Variants in BRINP2 observed in about 807,000 individuals in gnomAD.
BRINP2 encodes the protein BMP/retinoic acid-inducible neural-specific protein 2.
In BRINP2, 21 loss-of-function variants were observed where a neutral mutation model predicts 69.2. The ratio of observed to expected loss-of-function variants is 0.30; its 90% CI spans 0.22 to 0.44. BRINP2 has a LOEUF of 0.44. Among genes scored for constraint, BRINP2 ranks in the 20% least tolerant of loss-of-function variants. The pLI, the probability that BRINP2 is intolerant of heterozygous loss-of-function variation, is 1.00. For missense variants in BRINP2, 877 were observed against 986.0 expected, an observed-to-expected ratio of 0.89 and a Z score of 1.48; for synonymous variants, 380 against 394.1, an observed-to-expected ratio of 0.96 and a Z score of 0.42.
In BRINP2 at chr1:177,202,102, A is replaced by G. The variant is rs563368256; in HGVS notation, c.-76-27699A>G. ...TTGATTCTTCTCTCTTTTCTTCTTT[A>G]TTAGTCTTGCTAGCGGTCTATCAAT... On this transcript the variant is annotated intron_variant, in intron 1 of 7. Coordinates refer to ENST00000361539, the MANE Select transcript of BRINP2 (RefSeq NM_021165.4). Among the ~76,000 whole-genome samples, 429 of 151,552 alleles carry G rather than the reference A, an allele frequency of 2.8e-3. 5 individuals carry two copies. Among genetic ancestry groups the G allele is most frequent in the African/African-American group, 0.01 (415 of 41,286 alleles).
At chr1:177,215,603 G>GT in intron 1 of BRINP2, among the ~76,000 whole-genome samples, 1 of 152,078 alleles carries the variant, frequency 6.6e-6, no homozygotes, top group Non-Finnish European at 1.5e-5. Context: ...ATTATTTTGG[G>GT]TTTTCTATAT....
intron 1 of BRINP2, among the ~76,000 whole-genome samples, chr1:177,172,614 C>T (rs1041419922): frequency 6.6e-6 from 1 of 152,108 alleles, no homozygotes; most frequent in Non-Finnish European, 1.5e-5. Context: ...GGACTCTTCT[C>T]CTCACCAAGC....
In BRINP2 at chr1:177,247,715, C is replaced by T. The variant is rs555499831; in HGVS notation, c.270-8204C>T. On this transcript the variant is annotated intron_variant, in intron 2 of 7. Transcript: ENST00000361539. Reference sequence around the variant, plus strand: ...AATGTCCTTACCCTGACAGCCCACTCCTTCTGTCATTGCTTGCAAAATGGG... The same window carrying T: ...AATGTCCTTACCCTGACAGCCCACTTCTTCTGTCATTGCTTGCAAAATGGG... 2.0e-5 allele frequency among the ~76,000 whole-genome samples: 3 copies of T among 152,344 alleles called. No homozygotes were observed. In the South Asian group the frequency reaches 6.2e-4, roughly 32 times the overall value.
In BRINP2 at chr1:177,280,628, T is replaced by C. The variant is rs1263140334; in HGVS notation, c.1452T>C (p.Tyr484=). ...STRCGSCNPG[Y]VLAQGLCRPE... ...GCTGTGGGAGCTGCAACCCGGGCTATGTGCTGGCCCAGGGGCTGTGCCGGC... is the reference window on the plus strand; with the variant it reads ...GCTGTGGGAGCTGCAACCCGGGCTACGTGCTGGCCCAGGGGCTGTGCCGGC... Residue 484 remains tyrosine, a synonymous_variant, in exon 8 of 8, where the codon TAT becomes TAC. Coordinates refer to ENST00000361539, the MANE Select transcript of BRINP2 (RefSeq NM_021165.4). 1 of 1,614,186 alleles carries C rather than the reference T, an allele frequency of 6.2e-7. No homozygotes were observed. The highest frequency in any genetic ancestry group is 1.7e-5 in the Admixed American group (1 of 60,022).
chr1:177,193,829 G>A (rs1046428027), intron 1 of BRINP2, among the ~76,000 whole-genome samples: 3 of 152,130 alleles, frequency 2.0e-5, no homozygotes, highest in Non-Finnish European at 4.4e-5. Context: ...GTTTAAAAAG[G>A]CTATTGGTGT....
chr1:177,247,574 A>C (rs1340768954), intron 2 of BRINP2, among the ~76,000 whole-genome samples: 1 of 152,216 alleles, frequency 6.6e-6, no homozygotes, highest in Non-Finnish European at 1.5e-5. Context: ...CAAACTGGAG[A>C]ATAATAGCCC....
At chr1:177,183,742 AT>A (rs1648335828) in intron 1 of BRINP2, among the ~76,000 whole-genome samples, 1 of 152,240 alleles carries the variant, frequency 6.6e-6, no homozygotes, top group African/African-American at 2.4e-5. Flanking sequence ...GTGAACCATC[AT>A]ATTAAACTTA....
intron 5 of BRINP2, 37 bp downstream of exon 5, chr1:177,273,630 C>T (rs1044864401): frequency 3.1e-6 from 4 of 1,301,170 alleles, no homozygotes; most frequent in African/African-American, 3.1e-5. Context: ...ACCTTTCACA[C>T]CTGATTTAAA....
intron 2 of BRINP2, among the ~76,000 whole-genome samples, chr1:177,247,283 G>A (rs1650416543): frequency 6.6e-6 from 1 of 152,200 alleles, no homozygotes. Context: ...CCTCTGTCCA[G>A]TTGGCAAGTC....
chr1:177,246,639 C>A (rs1441032769), intron 2 of BRINP2, among the ~76,000 whole-genome samples: 3 of 152,176 alleles, frequency 2.0e-5, no homozygotes, highest in Admixed American at 6.5e-5. Flanking sequence ...ATCAGGAGGG[C>A]CAAAGAATAG....
chr1:177,275,895 TG>T (rs1213249731), intron 5 of BRINP2, among the ~76,000 whole-genome samples: 1 of 152,228 alleles, frequency 6.6e-6, no homozygotes, highest in Non-Finnish European at 1.5e-5. Context: ...AATGCTGATG[TG>T]TAGCCAATAA....
At chr1:177,257,469 C>T in intron 4 of BRINP2, 85 bp downstream of exon 4, 1 of 1,294,242 alleles carries the variant, frequency 7.7e-7, no homozygotes, top group South Asian at 1.5e-5. Flanking sequence ...ATCTCTAGGT[C>T]AGCTGGGCCG....
intron 7 of BRINP2, among the ~76,000 whole-genome samples, chr1:177,279,776 T>C (rs974622164): frequency 6.6e-6 from 1 of 152,246 alleles, no homozygotes; most frequent in Non-Finnish European, 1.5e-5. Context: ...GGAAGCCGTT[T>C]ATAAACAAGT....
intron 2 of BRINP2, among the ~76,000 whole-genome samples, chr1:177,250,678 A>G (rs1013361720): frequency 1.2e-4 from 19 of 152,208 alleles, no homozygotes; most frequent in African/African-American, 4.6e-4. Context: ...CTCCAAATAT[A>G]GTCCCTATCC....
chr1:177,193,376 A>G (rs1648646573), intron 1 of BRINP2, among the ~76,000 whole-genome samples: 1 of 152,214 alleles, frequency 6.6e-6, no homozygotes, highest in Non-Finnish European at 1.5e-5. Context: ...TAGAGAGACA[A>G]TTAGACAAAA....
intron 4 of BRINP2, among the ~76,000 whole-genome samples, chr1:177,268,903 C>A (rs1651216161): frequency 2.0e-5 from 3 of 152,224 alleles, no homozygotes; most frequent in Non-Finnish European, 4.4e-5. Flanking sequence ...CTGTCTATTT[C>A]TATGACCTTG....
At chr1:177,265,446 A>G (rs1482911935) in intron 4 of BRINP2, among the ~76,000 whole-genome samples, 1 of 152,154 alleles carries the variant, frequency 6.6e-6, no homozygotes, top group Non-Finnish European at 1.5e-5. Flanking sequence ...GACTTCATCA[A>G]CTTTTACCTG....
intron 4 of BRINP2, among the ~76,000 whole-genome samples, chr1:177,263,773 T>C (rs2102352512): frequency 6.6e-6 from 1 of 152,256 alleles, no homozygotes; most frequent in African/African-American, 2.4e-5. Context: ...TTTGAGAGAC[T>C]AGTATCTTAG....
At chr1:177,245,553 G>A (rs1371627861) in intron 2 of BRINP2, among the ~76,000 whole-genome samples, 2 of 152,180 alleles carry the variant, frequency 1.3e-5, no homozygotes, top group Non-Finnish European at 2.9e-5. Flanking sequence ...GCCACTTGCT[G>A]AGCAAAGACA....
Sources: allele counts gnomAD v4.1 joint callset (sites outside exome capture counted in the v4.1 genomes callset), GRCh38; gene constraint gnomAD v4.1.1; transcripts MANE v1.5; gene names NCBI Gene and HGNC (gene_info 2026-07-23, HGNC 2026-07-21).